Variants in RXFP1 observed in about 807,000 individuals in gnomAD.
RXFP1 encodes relaxin receptor 1.
A neutral mutation model predicts 89.8 loss-of-function variants in RXFP1; 73 were observed. The observed-to-expected ratio is 0.81, with a 90% CI of 0.67 to 0.99. RXFP1 has a LOEUF of 0.99. Ranked by LOEUF, RXFP1 falls within the 50% of genes least tolerant of loss-of-function variation. RXFP1 has a pLI of 0.00. For missense variants in RXFP1, 793 were observed against 895.5 expected (o/e 0.89, Z 1.46); for synonymous variants, 277 against 305.5 (o/e 0.91, Z 0.97).
At chr4:158,545,147 G>A (rs1208079579) in intron 1 of RXFP1, among the ~76,000 whole-genome samples, 4 of 151,524 alleles carry the variant, frequency 2.6e-5, no homozygotes, top group African/African-American at 9.7e-5. Context: ...ATTCTAACTG[G>A]TGTGAGATGG....
chr4:158,548,600 T>C (rs1749186777), intron 1 of RXFP1, among the ~76,000 whole-genome samples: 1 of 152,208 alleles, frequency 6.6e-6, no homozygotes, highest in Non-Finnish European at 1.5e-5. Flanking sequence ...GGTTGTTCCT[T>C]TCCTTGTTTA....
intron 2 of RXFP1, among the ~76,000 whole-genome samples, chr4:158,592,118 TA>T (rs2150064556): frequency 6.6e-6 from 1 of 152,316 alleles, no homozygotes; most frequent in South Asian, 2.1e-4. Flanking sequence ...TAAAATCTTC[TA>T]TTTTTTTAAA....
chr4:158,553,633 G>A lies in RXFP1; in HGVS notation c.50-19065G>A, dbSNP rs73860522. Among the ~76,000 whole-genome samples, 515 of 152,284 alleles carry A rather than the reference G, an allele frequency of 3.4e-3. 1 individual carries two copies. Among genetic ancestry groups the A allele is most frequent in the African/African-American group, 0.012 (488 of 41,548 alleles). On this transcript the variant is annotated intron_variant, in intron 1 of 17. Transcript: ENST00000307765. ...TATTATCTACTTTCAGACAAGTTAG[G>A]TCAGAGGATTTCTTTATGGCTAGCT...
intron 1 of RXFP1, among the ~76,000 whole-genome samples, chr4:158,536,555 T>C (rs1238297183): frequency 1.3e-5 from 2 of 152,178 alleles, no homozygotes; most frequent in Non-Finnish European, 2.9e-5. Context: ...TAAGAATACA[T>C]TCAATCATTC....
intron 2 of RXFP1, among the ~76,000 whole-genome samples, chr4:158,593,086 C>CAAAAA (rs757557258): frequency 4.2e-5 from 4 of 94,834 alleles, no homozygotes; most frequent in African/African-American, 1.7e-4. Context: ...GACTCTGTCT[C>CAAAAA]AAAAAAAAAA....
At chr4:158,589,610 A>G (rs1759019700) in intron 2 of RXFP1, among the ~76,000 whole-genome samples, 1 of 152,182 alleles carries the variant, frequency 6.6e-6, no homozygotes, top group African/African-American at 2.4e-5. Context: ...AACTAACCTC[A>G]TCAGACAGGA....
At chr4:158,589,805 C>A (rs1460711335) in intron 2 of RXFP1, among the ~76,000 whole-genome samples, 1 of 152,122 alleles carries the variant, frequency 6.6e-6, no homozygotes, top group Non-Finnish European at 1.5e-5. Context: ...ATAATCTCAG[C>A]ACTTTAGGAG....
Position 158,612,218 on chromosome 4 carries a change from T to G in RXFP1, c.608+17T>G. 6.2e-7 allele frequency: 1 copy of G among 1,607,580 alleles called. No homozygotes were observed. The highest frequency in any genetic ancestry group is 8.5e-7 in the Non-Finnish European group (1 of 1,176,700). On this transcript the variant is annotated intron_variant, in intron 7 of 17. Transcript: ENST00000307765. ...AGAATGGCTGTATGTTTAATTTATGTGGCATTTTATTGCACTAGTTTTTAG... is the reference window on the plus strand; with the variant it reads ...AGAATGGCTGTATGTTTAATTTATGGGGCATTTTATTGCACTAGTTTTTAG...
intron 2 of RXFP1, among the ~76,000 whole-genome samples, chr4:158,574,152 G>A (rs1187305461): frequency 1.3e-5 from 2 of 152,054 alleles, no homozygotes; most frequent in African/African-American, 4.8e-5. Context: ...ATAAACTTCG[G>A]TTAATAATGT....
chr4:158,530,203 T>C (rs901052985), intron 1 of RXFP1, among the ~76,000 whole-genome samples: 63 of 152,342 alleles, frequency 4.1e-4, no homozygotes, highest in African/African-American at 1.4e-3. Flanking sequence ...CGTGTGTGCC[T>C]GGACCTAGTG....
chr4:158,527,577 A>ATATATATATATG (rs1387787232), intron 1 of RXFP1, among the ~76,000 whole-genome samples: 1 of 145,484 alleles, frequency 6.9e-6, no homozygotes, highest in African/African-American at 2.5e-5. Flanking sequence ...ATATATATAT[A>ATATATATATATG]TGTATATATA....
chr4:158,638,005 CA>C lies in RXFP1; in HGVS notation c.972-2del. 1 of 1,577,536 alleles carries C rather than the reference CA, an allele frequency of 6.3e-7. No individual in the cohort carries two copies. The highest frequency in any genetic ancestry group is 8.7e-7 in the Non-Finnish European group (1 of 1,149,588). ...ACCTATTGCTGCTTTTTTTAAAAAACAGGAATCTTTCCTATAATCCAATCCA... is the reference window on the plus strand; with the variant it reads ...ACCTATTGCTGCTTTTTTTAAAAAACGGAATCTTTCCTATAATCCAATCCA... On this transcript the variant is annotated splice_acceptor_variant, in intron 12 of 17. Transcript: ENST00000307765. LOFTEE classifies it high-confidence loss of function.
intron 1 of RXFP1, among the ~76,000 whole-genome samples, chr4:158,539,086 C>G (rs1745974803): frequency 6.6e-6 from 1 of 152,144 alleles, no homozygotes; most frequent in African/African-American, 2.4e-5. Flanking sequence ...CAACCACCTC[C>G]CATCATGGGA....
At chr4:158,562,191 T>C (rs1020838289) in intron 1 of RXFP1, among the ~76,000 whole-genome samples, 4 of 152,152 alleles carry the variant, frequency 2.6e-5, no homozygotes, top group Non-Finnish European at 4.4e-5. Flanking sequence ...ATTCTCACAT[T>C]AAAATATAAT....
At chr4:158,556,026 A>AT (rs1210555221) in intron 1 of RXFP1, among the ~76,000 whole-genome samples, 1 of 152,154 alleles carries the variant, frequency 6.6e-6, no homozygotes, top group Non-Finnish European at 1.5e-5. Context: ...CTTGGCAAAG[A>AT]TTTTTTAAAT....
At chr4:158,556,309 T>C (rs1019177999) in intron 1 of RXFP1, among the ~76,000 whole-genome samples, 1 of 150,148 alleles carries the variant, frequency 6.7e-6, no homozygotes, top group Admixed American at 6.6e-5. Context: ...CCAACAGATA[T>C]ATGAAAAAAT....
intron 14 of RXFP1, among the ~76,000 whole-genome samples, chr4:158,643,212 C>A (rs1001967632): frequency 1.7e-4 from 26 of 152,266 alleles, no homozygotes; most frequent in African/African-American, 4.6e-4. Context: ...CCTGTGCAAG[C>A]TTCTAGCTTG....
At chr4:158,574,037 T>C (rs1230940165) in intron 2 of RXFP1, among the ~76,000 whole-genome samples, 1 of 152,186 alleles carries the variant, frequency 6.6e-6, no homozygotes, top group East Asian at 1.9e-4. Flanking sequence ...TCTGGCCAAT[T>C]TGAATATGGG....
Position 158,599,200 on chromosome 4 carries a change from T to G in RXFP1, c.287-126T>G. ...AATTTAAAGCATTGCCTAAATTGCCTACGTAGCACATGATATGCTTTTGTA... is the reference window on the plus strand; with the variant it reads ...AATTTAAAGCATTGCCTAAATTGCCGACGTAGCACATGATATGCTTTTGTA... On this transcript the variant is annotated intron_variant, in intron 3 of 17. Coordinates refer to ENST00000307765, the MANE Select transcript of RXFP1 (RefSeq NM_021634.4). 2.0e-6 allele frequency: 3 copies of G among 1,468,150 alleles called. No individual in the cohort carries two copies. In the South Asian group the frequency reaches 3.9e-5, roughly 19 times the overall value. The allele number at this position is 1,468,150 out of a possible 1,614,324, so 90.9% of individuals were successfully genotyped here.
Sources: gnomAD v4.1 joint callset for allele counts (sites outside exome capture counted in the v4.1 genomes callset) on GRCh38, gnomAD v4.1.1 for gene constraint, MANE v1.5 for transcripts, NCBI Gene and HGNC (gene_info 2026-07-23, HGNC 2026-07-21) for gene names.